GRB14: variants seen among roughly 807,000 people sequenced by gnomAD.
The protein encoded by GRB14 is growth factor receptor-bound protein 14.
GRB14 carries 38 observed loss-of-function variants against 69.1 expected under a neutral mutation model. The observed-to-expected ratio is 0.55, with a 90% CI of 0.42 to 0.72. GRB14 has a LOEUF of 0.72. GRB14 is among the 30% of genes least tolerant of loss of function. The probability of loss-of-function intolerance (pLI) is 0.00; values close to 1 mark genes in which losing one functional copy is unlikely to be tolerated. For synonymous variants in GRB14, 247 were observed against 241.3 expected, an observed-to-expected ratio of 1.02 and a Z score of -0.22; for missense variants, 666 against 666.1, an observed-to-expected ratio of 1.00 and a Z score of 0.00.
intron 2 of GRB14, among the ~76,000 whole-genome samples, chr2:164,585,122 T>C (rs1436485170): frequency 1.1e-5 from 1 of 94,068 alleles, no homozygotes; most frequent in Non-Finnish European, 2.1e-5. Context: ...TTTTTTTTTT[T>C]TTTTTAGTAG....
intron 2 of GRB14, among the ~76,000 whole-genome samples, chr2:164,582,429 T>A (rs1360063578): frequency 3.6e-4 from 50 of 139,516 alleles, no homozygotes; most frequent in African/African-American, 9.1e-4. Flanking sequence ...TTATTATTTT[T>A]TTTTTTTTTT....
chr2:164,593,587 G>T (rs1212041574), intron 2 of GRB14, among the ~76,000 whole-genome samples: 1 of 152,084 alleles, frequency 6.6e-6, no homozygotes, highest in East Asian at 1.9e-4. Context: ...ACCACAAAAA[G>T]AGGAAAAGGA....
At chr2:164,602,109 T>C (rs572458894) in intron 2 of GRB14, among the ~76,000 whole-genome samples, 18 of 148,660 alleles carry the variant, frequency 1.2e-4, no homozygotes, top group Non-Finnish European at 2.5e-4. Flanking sequence ...ACTTTTTGTG[T>C]GTCTCCAAAT....
chr2:164,570,302 T>C (rs1418734115), intron 2 of GRB14, among the ~76,000 whole-genome samples: 1 of 129,508 alleles, frequency 7.7e-6, no homozygotes, highest in African/African-American at 3.1e-5. Context: ...AAAAAAAAAG[T>C]GTTATCTCTG....
At chr2:164,615,049 CAG>C (rs1690254907) in intron 2 of GRB14, among the ~76,000 whole-genome samples, 1 of 152,062 alleles carries the variant, frequency 6.6e-6, no homozygotes, top group Admixed American at 6.5e-5. Flanking sequence ...ACACTAGAAA[CAG>C]TGTGGTAAGG....
intron 2 of GRB14, among the ~76,000 whole-genome samples, chr2:164,600,887 G>C (rs1689898189): frequency 6.6e-6 from 1 of 151,798 alleles, no homozygotes; most frequent in Non-Finnish European, 1.5e-5. Flanking sequence ...ATAATGATGA[G>C]TATTTGGCTT....
chr2:164,588,083 T>C (rs1008997236), intron 2 of GRB14, among the ~76,000 whole-genome samples: 16 of 152,326 alleles, frequency 1.1e-4, no homozygotes, highest in African/African-American at 2.9e-4. Context: ...ATAATCAACT[T>C]CTTGTCAACT....
intron 2 of GRB14, chr2:164,573,603 T>C (rs1689170347): frequency 8.0e-7 from 1 of 1,245,906 alleles, no homozygotes. Flanking sequence ...CTTTATATAA[T>C]AGTTTTATTA....
intron 2 of GRB14, among the ~76,000 whole-genome samples, chr2:164,567,663 T>C (rs999099473): frequency 9.9e-5 from 15 of 152,240 alleles, no homozygotes; most frequent in African/African-American, 3.4e-4. Flanking sequence ...CCTTGTAAAA[T>C]GCAATGCTGT....
In GRB14 at chr2:164,597,450, A is replaced by G. The variant is rs184573858; in HGVS notation, c.324+22237T>C. On this transcript the variant is annotated intron_variant, in intron 2 of 13. Transcript: ENST00000263915. ...GTAGCCCCTCCTTTCAAATGCCTAT[A>G]ATCTAGTAGGAACACTTACAATTTG... Among the ~76,000 whole-genome samples, 20 of 152,340 alleles carry G rather than the reference A, an allele frequency of 1.3e-4. 1 individual carries two copies. In the East Asian group the frequency reaches 2.9e-3, roughly 22 times the overall value.
At chr2:164,502,174 A>C (rs1253060562) in intron 9 of GRB14, 81 bp downstream of exon 9, 7 of 663,130 alleles carry the variant, frequency 1.1e-5, no homozygotes, top group Non-Finnish European at 1.9e-5. Context: ...AAATTATTAT[A>C]AGATACTGTT....
intron 3 of GRB14, among the ~76,000 whole-genome samples, chr2:164,538,909 G>T (rs942937043): frequency 1.3e-5 from 2 of 152,096 alleles, no homozygotes; most frequent in Non-Finnish European, 2.9e-5. Context: ...GGTTAGGAAC[G>T]TTTATACGAA....
intron 13 of GRB14, among the ~76,000 whole-genome samples, chr2:164,493,645 C>CT (rs916061017): frequency 4.0e-5 from 6 of 151,836 alleles, no homozygotes; most frequent in East Asian, 1.9e-4. Context: ...TGTCAGTTTT[C>CT]TTTTTTTTAA....
chr2:164,507,303 A>G (rs1687216517), intron 8 of GRB14, among the ~76,000 whole-genome samples: 1 of 152,164 alleles, frequency 6.6e-6, no homozygotes, highest in South Asian at 2.1e-4. Flanking sequence ...CAAACTGCAA[A>G]TCAATTGAAA....
chr2:164,537,922 G>A (rs186043191), intron 3 of GRB14, among the ~76,000 whole-genome samples: 2 of 152,144 alleles, frequency 1.3e-5, no homozygotes, highest in East Asian at 3.9e-4. Flanking sequence ...AACTCTGATG[G>A]CTGGTATGTT....
At chr2:164,587,567 C>T (rs576009974) in intron 2 of GRB14, among the ~76,000 whole-genome samples, 1 of 152,044 alleles carries the variant, frequency 6.6e-6, no homozygotes, top group Non-Finnish European at 1.5e-5. Context: ...TGTCATATTG[C>T]TTATATCTAC....
chr2:164,600,495 C>T (rs563652706), intron 2 of GRB14, among the ~76,000 whole-genome samples: 218 of 152,204 alleles, frequency 1.4e-3, no homozygotes, highest in African/African-American at 5.1e-3. Flanking sequence ...CAGATTATAT[C>T]AGGGTTTCTT....
At chr2:164,593,706 G>A (rs1574340949) in intron 2 of GRB14, among the ~76,000 whole-genome samples, 2 of 152,254 alleles carry the variant, frequency 1.3e-5, no homozygotes, top group Admixed American at 6.5e-5. Context: ...TACCGTGGCA[G>A]CCCTAGAGAG....
chr2:164,533,224 CTTTTTTTTTTTTTT>C (rs537913705), intron 3 of GRB14, among the ~76,000 whole-genome samples: 2 of 80,368 alleles, frequency 2.5e-5, no homozygotes, highest in East Asian at 9.3e-4. Context: ...GTTTCCAATT[CTTTTTTTTTTTTTT>C]TTTTTTTTTT....
Sources: allele counts gnomAD v4.1 joint callset (sites outside exome capture counted in the v4.1 genomes callset), GRCh38; gene constraint gnomAD v4.1.1; transcripts MANE v1.5; gene names NCBI Gene and HGNC (gene_info 2026-07-23, HGNC 2026-07-21).